The following UTRN variants were observed in gnomAD, a reference collection of about 807,000 sequenced individuals.
UTRN encodes utrophin.
A neutral mutation model predicts 463.9 loss-of-function variants in UTRN; 283 were observed. The observed-to-expected ratio is 0.61, with a 90% CI of 0.55 to 0.67. The LOEUF (loss-of-function observed/expected upper bound fraction) is 0.67, where lower values mean the gene tolerates loss of function less well. Among genes scored for constraint, UTRN ranks in the 30% least tolerant of loss-of-function variants. The pLI, the probability that UTRN is intolerant of heterozygous loss-of-function variation, is 0.00. For synonymous variants in UTRN, 1,442 were observed against 1,431.5 expected (o/e 1.01, Z -0.17); for missense variants, 3,922 against 4,084.3 (o/e 0.96, Z 1.08).
In UTRN at chr6:144,555,042, C is replaced by A. The variant is rs1323268982; in HGVS notation, c.7134+149C>A. The A allele has an allele frequency of 2.8e-6, 3 of 1,063,746 alleles. No individual in the cohort carries two copies. In the African/African-American group the frequency reaches 4.8e-5, roughly 17 times the overall value. 65.9% of individuals were successfully genotyped at this position (1,063,746 alleles called of 1,614,324 possible). ...ATGAAATTTATATGAAGAATTTGAT[C>A]TGGAAGATTTTTTTCGAAAAATTTC... On this transcript the variant is annotated intron_variant, in intron 49 of 74. Coordinates refer to ENST00000367545, the MANE Select transcript of UTRN (RefSeq NM_007124.3).
rs1795389375 is a variant in UTRN at position 144,513,935 on chromosome 6, T to C, written c.4971T>C (p.Phe1657=). Residue 1657 remains phenylalanine (F), a synonymous_variant, in exon 36 of 75, where the codon TTT becomes TTC. Coordinates refer to ENST00000367545, the MANE Select transcript of UTRN (RefSeq NM_007124.3). The stretch of plus-strand genomic sequence containing the variant: ...ACCATCAGAACCAGCTAGAAATATT[T>C]GATGGGAACGTGGCTCACATAAGTA... The part of the protein sequence containing the change: ...LMNHQNQLEI[F]DGNVAHISTW... 6.2e-7 allele frequency: 1 copy of C among 1,613,862 alleles called. No individual in the cohort carries two copies. The highest frequency in any genetic ancestry group is 1.1e-5 in the South Asian group (1 of 91,074).
At chr6:144,338,767 G>A (rs888784962) in intron 2 of UTRN, among the ~76,000 whole-genome samples, 2 of 152,154 alleles carry the variant, frequency 1.3e-5, no homozygotes, top group Non-Finnish European at 1.5e-5. Context: ...TGTGGATTTC[G>A]TAGGTACAGA....
chr6:144,828,896 T>C (rs750199846), intron 69 of UTRN, 41 bp downstream of exon 69: 11 of 1,595,190 alleles, frequency 6.9e-6, no homozygotes, highest in Non-Finnish European at 9.5e-6. Flanking sequence ...GGAAGGCTAG[T>C]TCTTGTATTA....
At chr6:144,464,212 G>A (rs77823581) in intron 23 of UTRN, among the ~76,000 whole-genome samples, 123 of 152,278 alleles carry the variant, frequency 8.1e-4, no homozygotes, top group African/African-American at 2.8e-3. Context: ...AGAGGAGCTG[G>A]AAGACCTCAC....
At chr6:144,681,626 T>G (rs531197238) in intron 52 of UTRN, among the ~76,000 whole-genome samples, 2 of 148,144 alleles carry the variant, frequency 1.4e-5, no homozygotes, top group African/African-American at 5.0e-5. Flanking sequence ...GAAGGGGAGG[T>G]GAGTACGTGG....
chr6:144,613,362 T>C (rs992345314), intron 51 of UTRN, among the ~76,000 whole-genome samples: 24 of 152,048 alleles, frequency 1.6e-4, no homozygotes, highest in Admixed American at 6.6e-4. Context: ...TCAAAATTTC[T>C]AAGAGAATAA....
Position 144,359,345 on chromosome 6 carries a change from T to TA in UTRN, c.80-43776dup, listed in dbSNP as rs539991938. ...CACTCCCAGCTGAGAACCCCTGATA[T>TA]AAGTCAGTAGAACAGCCTGGCACTG... On this transcript the variant is annotated intron_variant, in intron 2 of 74. Coordinates refer to ENST00000367545, the MANE Select transcript of UTRN (RefSeq NM_007124.3). Among the ~76,000 whole-genome samples the TA allele has an allele frequency of 1.3e-3, 193 of 152,344 alleles. 1 individual carries two copies. Among genetic ancestry groups the TA allele is most frequent in the Middle Eastern group, 0.01 (3 of 294 alleles).
chr6:144,677,258 C>T (rs1312001676), intron 51 of UTRN, among the ~76,000 whole-genome samples: 1 of 152,078 alleles, frequency 6.6e-6, no homozygotes, highest in Admixed American at 6.6e-5. Context: ...TAATGCTCTC[C>T]CTTTCCTTTC....
At chr6:144,626,671 C>T (rs1352642397) in intron 51 of UTRN, among the ~76,000 whole-genome samples, 2 of 152,136 alleles carry the variant, frequency 1.3e-5, no homozygotes, top group Admixed American at 6.5e-5. Context: ...CGGAGTCTCG[C>T]TCTGTCGCCC....
intron 34 of UTRN, among the ~76,000 whole-genome samples, chr6:144,505,107 C>T (rs1364759399): frequency 1.3e-5 from 2 of 151,718 alleles, no homozygotes; most frequent in Non-Finnish European, 2.9e-5. Flanking sequence ...TTGGTGATAC[C>T]CCCTTTATCT....
At chr6:144,637,332 A>C (rs1333826417) in intron 51 of UTRN, among the ~76,000 whole-genome samples, 3 of 152,242 alleles carry the variant, frequency 2.0e-5, no homozygotes, top group Middle Eastern at 3.4e-3. Flanking sequence ...TGTGGCCCTT[A>C]CGTTACTCTG....
At chr6:144,801,594 C>T (rs1407402367) in intron 64 of UTRN, among the ~76,000 whole-genome samples, 1 of 152,102 alleles carries the variant, frequency 6.6e-6, no homozygotes, top group African/African-American at 2.4e-5. Flanking sequence ...TCACTAATTA[C>T]TTCCAAATAA....
chr6:144,612,614 T>C (rs1323467562), intron 51 of UTRN, among the ~76,000 whole-genome samples: 1 of 152,126 alleles, frequency 6.6e-6, no homozygotes, highest in African/African-American at 2.4e-5. Context: ...TTAGCATCAC[T>C]AATTACTTGG....
At chr6:144,512,972 A>G (rs375057402) in intron 35 of UTRN, among the ~76,000 whole-genome samples, 5 of 152,212 alleles carry the variant, frequency 3.3e-5, no homozygotes, top group African/African-American at 4.8e-5. Flanking sequence ...TAATTTCATC[A>G]TAAGTCTCGT....
At chr6:144,588,370 T>C (rs748069800) in intron 51 of UTRN, among the ~76,000 whole-genome samples, 6 of 152,224 alleles carry the variant, frequency 3.9e-5, no homozygotes, top group Non-Finnish European at 7.3e-5. Flanking sequence ...ATAAAGTCAA[T>C]ATAATTAGCT....
At chr6:144,684,936 G>A (rs1004911158) in intron 52 of UTRN, among the ~76,000 whole-genome samples, 3 of 152,058 alleles carry the variant, frequency 2.0e-5, no homozygotes, top group South Asian at 2.1e-4. Flanking sequence ...ATTGTATAGC[G>A]GTGAAGTCTG....
At chr6:144,546,168 T>C (rs1208134869) in intron 46 of UTRN, among the ~76,000 whole-genome samples, 1 of 152,254 alleles carries the variant, frequency 6.6e-6, no homozygotes, top group Non-Finnish European at 1.5e-5. Context: ...GGTGTATATC[T>C]AGTGATGGAA....
In UTRN at chr6:144,294,965, T is replaced by A. The variant is rs868670180; in HGVS notation, c.79+3058T>A. Among the ~76,000 whole-genome samples the A allele has an allele frequency of 6.6e-5, 10 of 152,286 alleles. No homozygotes were observed. In the South Asian group the frequency reaches 8.3e-4, roughly 13 times the overall value. On this transcript the variant is annotated intron_variant, in intron 2 of 74. Transcript: ENST00000367545. ...AGTGTTAGAAAGGAACTGGAAAGAA[T>A]TTGATCTATAATGACCAAGGATTTG... is the stretch of plus-strand genomic sequence containing the variant.
intron 2 of UTRN, among the ~76,000 whole-genome samples, chr6:144,320,696 A>G (rs1775581175): frequency 6.6e-6 from 1 of 152,182 alleles, no homozygotes; most frequent in Non-Finnish European, 1.5e-5. Context: ...AGAATTACAG[A>G]GGTAAAACCA....
Sources: gnomAD v4.1 joint callset for allele counts (sites outside exome capture counted in the v4.1 genomes callset) on GRCh38, gnomAD v4.1.1 for gene constraint, MANE v1.5 for transcripts, NCBI Gene and HGNC (gene_info 2026-07-23, HGNC 2026-07-21) for gene names.